The following SPAG16 variants were observed in gnomAD, a reference collection of about 807,000 sequenced individuals.
SPAG16 encodes the protein sperm-associated antigen 16 protein.
A neutral mutation model predicts 80.4 loss-of-function variants in SPAG16; 86 were observed. That is an observed-to-expected ratio of 1.07 (90% CI 0.90 to 1.28). The LOEUF is 1.28. Ranked by LOEUF, SPAG16 falls within the 50% of genes most tolerant of loss-of-function variation. SPAG16 has a pLI of 0.00. For missense variants in SPAG16, 870 were observed against 765.3 expected (o/e 1.14, Z -1.61); for synonymous variants, 294 against 265.9 (o/e 1.11, Z -1.03).
intron 10 of SPAG16, among the ~76,000 whole-genome samples, chr2:213,808,595 CAA>C (rs2071921263): frequency 1.3e-5 from 2 of 151,944 alleles, no homozygotes; most frequent in Admixed American, 1.3e-4. Context: ...CAGTGGGAAA[CAA>C]AAGAAAGCAA....
intron 9 of SPAG16, among the ~76,000 whole-genome samples, chr2:213,461,807 G>A (rs2072380497): frequency 6.6e-6 from 1 of 152,146 alleles, no homozygotes; most frequent in South Asian, 2.1e-4. Context: ...GGACAAAAAT[G>A]CTATAGGAAT....
intron 14 of SPAG16, among the ~76,000 whole-genome samples, chr2:214,112,209 C>G (rs553332358): frequency 3.3e-5 from 5 of 152,252 alleles, no homozygotes; most frequent in Admixed American, 1.3e-4. Context: ...TTTACATTTG[C>G]TGAGGAGTGC....
chr2:214,038,215 C>G (rs2048813467), intron 13 of SPAG16, among the ~76,000 whole-genome samples: 1 of 152,042 alleles, frequency 6.6e-6, no homozygotes, highest in Non-Finnish European at 1.5e-5. Flanking sequence ...TACTTTTGTT[C>G]TAGCAGTCAA....
chr2:214,224,719 T>C (rs964630465), intron 15 of SPAG16, among the ~76,000 whole-genome samples: 9 of 152,216 alleles, frequency 5.9e-5, no homozygotes, highest in African/African-American at 1.9e-4. Flanking sequence ...CAAAATGTTT[T>C]ACTTGTTGAA....
At chr2:213,969,399 C>A (rs2044891604) in intron 12 of SPAG16, among the ~76,000 whole-genome samples, 1 of 152,054 alleles carries the variant, frequency 6.6e-6, no homozygotes, top group South Asian at 2.1e-4. Flanking sequence ...CTCCAAAATT[C>A]CTGAAATTGA....
intron 15 of SPAG16, among the ~76,000 whole-genome samples, chr2:214,385,147 TAGTTCAGTACAC>T (rs1700675357): frequency 6.6e-6 from 1 of 152,236 alleles, no homozygotes; most frequent in Non-Finnish European, 1.5e-5. Context: ...GCATAGCTAG[TAGTTCAGTACAC>T]AGTTCAGCCA....
chr2:213,924,828 A>C (rs767879823), intron 11 of SPAG16, among the ~76,000 whole-genome samples: 2 of 151,934 alleles, frequency 1.3e-5, no homozygotes, highest in South Asian at 4.1e-4. Flanking sequence ...GGATTTGTTC[A>C]TATGTTTGTA....
At chr2:213,911,601 T>C (rs2077668563) in intron 11 of SPAG16, among the ~76,000 whole-genome samples, 1 of 152,218 alleles carries the variant, frequency 6.6e-6, no homozygotes, top group African/African-American at 2.4e-5. Context: ...TAATTTTGGT[T>C]GTCCCAAACT....
chr2:213,468,562 G>T lies in SPAG16; in HGVS notation c.943-21401G>T, dbSNP rs59711456. ...ATATATATATGTATTTATATATAGA[G>T]ATATATATATCTATGTATTTATATA... is the stretch of plus-strand genomic sequence containing the variant. On this transcript the variant is annotated intron_variant, in intron 9 of 15. Coordinates refer to ENST00000331683, the MANE Select transcript of SPAG16 (RefSeq NM_024532.5). Among the ~76,000 whole-genome samples, 1,092 of 117,734 alleles carry T rather than the reference G, an allele frequency of 9.3e-3. 70 individuals are homozygous for T. The highest frequency in any genetic ancestry group is 0.046 in the African/African-American group (1,013 of 21,998). The allele number at this position is 117,734 out of a possible 152,430, so 77.2% of individuals were successfully genotyped here.
intron 10 of SPAG16, 22 bp downstream of exon 10, chr2:213,490,112 T>A: frequency 6.4e-7 from 1 of 1,555,680 alleles, no homozygotes; most frequent in Non-Finnish European, 8.7e-7. Context: ...GATGTTTTAT[T>A]AATACTTTTG....
rs187046938 is a variant in SPAG16, at chr2:214,222,357, T to A, written c.1720+73091T>A. 6.6e-5 allele frequency among the ~76,000 whole-genome samples: 10 copies of A among 152,192 alleles called. No homozygotes were observed. The East Asian group carries it at 1.9e-3, about 30-fold the overall frequency. ...GTCTTGAACTCCTGACCTCAGGTGA[T>A]CCACCCGCCTTGGCCTCCCAAAGTG... On this transcript the variant is annotated intron_variant, in intron 15 of 15. Coordinates refer to ENST00000331683, the MANE Select transcript of SPAG16 (RefSeq NM_024532.5).
At chr2:214,132,260 T>G (rs2054819564) in intron 14 of SPAG16, among the ~76,000 whole-genome samples, 1 of 152,200 alleles carries the variant, frequency 6.6e-6, no homozygotes, top group Non-Finnish European at 1.5e-5. Context: ...GTATATAATA[T>G]AAACCCAAAA....
At chr2:213,429,103 A>C (rs1417671146) in intron 9 of SPAG16, among the ~76,000 whole-genome samples, 3 of 151,674 alleles carry the variant, frequency 2.0e-5, no homozygotes, top group Non-Finnish European at 4.4e-5. Context: ...AAAAAAAAAA[A>C]AAAGAGTAAG....
At chr2:214,041,970 CTGTG>C (rs199736767) in intron 13 of SPAG16, among the ~76,000 whole-genome samples, 3 of 92,752 alleles carry the variant, frequency 3.2e-5, no homozygotes, top group African/African-American at 1.2e-4. Flanking sequence ...ATTTGTGTGT[CTGTG>C]TGTGTATATA....
intron 15 of SPAG16, among the ~76,000 whole-genome samples, chr2:214,291,495 CG>C (rs1693800206): frequency 1.3e-5 from 2 of 150,774 alleles, no homozygotes; most frequent in South Asian, 4.2e-4. Context: ...TTAGTAGAGA[CG>C]GGGTTTCACC....
intron 15 of SPAG16, among the ~76,000 whole-genome samples, chr2:214,195,886 A>G (rs929113313): frequency 3.9e-5 from 6 of 152,060 alleles, no homozygotes; most frequent in African/African-American, 1.4e-4. Flanking sequence ...TTTAAAGTCA[A>G]ATAAACAACT....
At chr2:213,486,258 A>G (rs564665973) in intron 9 of SPAG16, among the ~76,000 whole-genome samples, 1 of 152,166 alleles carries the variant, frequency 6.6e-6, no homozygotes, top group East Asian at 1.9e-4. Context: ...GTAACCACCA[A>G]TCAATTCTCT....
chr2:213,492,799 C>A (rs1241857336), intron 10 of SPAG16, among the ~76,000 whole-genome samples: 1 of 149,982 alleles, frequency 6.7e-6, no homozygotes, highest in Non-Finnish European at 1.5e-5. Context: ...TTCTTAACTT[C>A]AAAAATATAG....
intron 12 of SPAG16, among the ~76,000 whole-genome samples, chr2:213,947,243 A>G (rs2079519652): frequency 6.6e-6 from 1 of 152,182 alleles, no homozygotes; most frequent in African/African-American, 2.4e-5. Context: ...TATGTTAAAT[A>G]TATGTTTAAC....
Sources: allele counts gnomAD v4.1 joint callset (sites outside exome capture counted in the v4.1 genomes callset), GRCh38; gene constraint gnomAD v4.1.1; transcripts MANE v1.5; gene names NCBI Gene and HGNC (gene_info 2026-07-23, HGNC 2026-07-21).